The following ZMAT3 variants were observed in gnomAD, a reference collection of about 807,000 sequenced individuals.
The protein encoded by ZMAT3 is zinc finger matrin-type 3, also known as zinc finger matrin-type protein 3.
Under a neutral mutation model 32.3 loss-of-function variants are expected in ZMAT3, and 17 were observed. The observed-to-expected ratio is 0.53, with a 90% confidence interval of 0.36 to 0.79. ZMAT3 has a LOEUF of 0.79. Ranked by LOEUF, ZMAT3 falls within the 30% of genes least tolerant of loss-of-function variation. The pLI, the probability that ZMAT3 is intolerant of heterozygous loss-of-function variation, is 0.00. For missense variants in ZMAT3, 329 were observed against 359.7 expected, an observed-to-expected ratio of 0.91 and a Z score of 0.69; for synonymous variants, 120 against 133.1, an observed-to-expected ratio of 0.90 and a Z score of 0.68.
intron 2 of ZMAT3, among the ~76,000 whole-genome samples, chr3:179,032,903 G>A (rs1225481202): frequency 2.0e-5 from 3 of 150,952 alleles, no homozygotes; most frequent in Non-Finnish European, 4.4e-5. Flanking sequence ...CACCGTCTGG[G>A]AGGTGGGGGG....
At chr3:179,060,755 T>C (rs1198974449) in intron 2 of ZMAT3, among the ~76,000 whole-genome samples, 1 of 151,960 alleles carries the variant, frequency 6.6e-6, no homozygotes, top group Non-Finnish European at 1.5e-5. Flanking sequence ...TGGGGAAAAC[T>C]AGACACAACC....
At chr3:179,027,351 C>G in intron 5 of ZMAT3, 72 bp downstream of exon 5, 1 of 1,357,812 alleles carries the variant, frequency 7.4e-7, no homozygotes, top group Non-Finnish European at 1.0e-6. Context: ...TATCTATTAT[C>G]ATTAAAAGAA....
At chr3:179,070,787 A>G (rs546834187) in intron 1 of ZMAT3, among the ~76,000 whole-genome samples, 1 of 152,374 alleles carries the variant, frequency 6.6e-6, no homozygotes, top group East Asian at 1.9e-4. Flanking sequence ...AGACGACATT[A>G]AAGAAAATCA....
intron 2 of ZMAT3, among the ~76,000 whole-genome samples, 193 bp downstream of exon 2, chr3:179,067,289 TC>T (rs1211726429): frequency 6.6e-6 from 1 of 152,230 alleles, no homozygotes; most frequent in Non-Finnish European, 1.5e-5. Flanking sequence ...CAGGTTGAGA[TC>T]CAGTCTACAA....
chr3:179,030,697 C>T (rs1719134248), intron 3 of ZMAT3, among the ~76,000 whole-genome samples, 183 bp downstream of exon 3: 1 of 152,154 alleles, frequency 6.6e-6, no homozygotes, highest in Non-Finnish European at 1.5e-5. Flanking sequence ...ACTCACGTAA[C>T]AATAGCCTGC....
At chr3:179,045,299 C>T (rs527424584) in intron 2 of ZMAT3, among the ~76,000 whole-genome samples, 27 of 152,086 alleles carry the variant, frequency 1.8e-4, no homozygotes, top group Middle Eastern at 3.4e-3. Context: ...CTAGGTATTA[C>T]GAAACAGAAA....
At chr3:179,032,227 C>T (rs1719286858) in intron 2 of ZMAT3, among the ~76,000 whole-genome samples, 1 of 151,818 alleles carries the variant, frequency 6.6e-6, no homozygotes, top group African/African-American at 2.4e-5. Flanking sequence ...TGGTCTCCAG[C>T]TCCTGACCGC....
At chr3:179,033,174 C>A (rs1459485583) in intron 2 of ZMAT3, among the ~76,000 whole-genome samples, 2 of 152,220 alleles carry the variant, frequency 1.3e-5, no homozygotes, top group Non-Finnish European at 2.9e-5. Context: ...TGCTGTTAAT[C>A]TATAACCTTA....
intron 2 of ZMAT3, among the ~76,000 whole-genome samples, chr3:179,039,089 C>T (rs1719769260): frequency 1.3e-5 from 2 of 152,234 alleles, no homozygotes; most frequent in South Asian, 4.1e-4. Context: ...CACCACAGCT[C>T]AACAAGGCCT....
Position 179,022,873 on chromosome 3 carries a change from T to C in ZMAT3, c.*2144A>G, listed in dbSNP as rs1197274584. ...GTTGTTTAAAAATTGTCCCAAAGTATTACAGAAGAAGAATGATTGTAATTT... is the reference window on the plus strand; with the variant it reads ...GTTGTTTAAAAATTGTCCCAAAGTACTACAGAAGAAGAATGATTGTAATTT... On this transcript the variant is annotated 3_prime_UTR_variant, in exon 6 of 6. Coordinates refer to ENST00000311417, the MANE Select transcript of ZMAT3 (RefSeq NM_022470.4). 6.6e-6 allele frequency: 1 copy of C among 152,160 alleles called. No individual in the cohort carries two copies. Among genetic ancestry groups the C allele is most frequent in the Non-Finnish European group, 1.5e-5 (1 of 68,028 alleles). The allele number at this position is 152,160 out of a possible 1,614,324, so 9.4% of individuals were successfully genotyped here. A position where few individuals can be genotyped will look rare whatever the true frequency, so the allele number is the denominator to read the frequency against.
chr3:179,033,470 AAC>A (rs1434425093), intron 2 of ZMAT3, among the ~76,000 whole-genome samples: 2 of 152,054 alleles, frequency 1.3e-5, no homozygotes, highest in African/African-American at 4.8e-5. Flanking sequence ...CTCTCCGAGA[AAC>A]ACCCAAGAAT....
chr3:179,027,475 C>T lies in ZMAT3; in HGVS notation c.606G>A (p.Glu202=), dbSNP rs1576836041. The change falls in exon 5 of 6, where the codon GAG becomes GAA. Residue 202 remains glutamate (E), a synonymous_variant. Transcript: ENST00000311417. ...GQRRARKEGN[E]FKMMPNRRNM... ...TTCTCCTGTTAGGCATCATCTTAAA[C>T]TCATTCCCTTCTTTCCTGGCCCGCC... 40 of 1,614,216 alleles carry T rather than the reference C, an allele frequency of 2.5e-5. No homozygotes were observed. The East Asian group carries it at 8.9e-4, about 36-fold the overall frequency.
intron 2 of ZMAT3, among the ~76,000 whole-genome samples, chr3:179,038,436 G>C (rs574078625): frequency 6.6e-6 from 1 of 152,098 alleles, no homozygotes; most frequent in Non-Finnish European, 1.5e-5. Flanking sequence ...AAATGAGGCA[G>C]GCATGGTGGT....
At chr3:179,033,496 TA>T (rs1719409951) in intron 2 of ZMAT3, among the ~76,000 whole-genome samples, 2 of 136,180 alleles carry the variant, frequency 1.5e-5, no homozygotes, top group South Asian at 4.7e-4. Flanking sequence ...CAATAAATAC[TA>T]AAAAAATTTT....
intron 2 of ZMAT3, among the ~76,000 whole-genome samples, chr3:179,049,499 T>C (rs770662775): frequency 3.3e-5 from 5 of 152,116 alleles, no homozygotes; most frequent in Non-Finnish European, 4.4e-5. Flanking sequence ...AAATTGGAAA[T>C]CAACTCCAAA....
chr3:179,059,325 G>T (rs1052016404), intron 2 of ZMAT3, among the ~76,000 whole-genome samples: 1 of 152,086 alleles, frequency 6.6e-6, no homozygotes, highest in Admixed American at 6.5e-5. Flanking sequence ...GCTAGCCACC[G>T]AAGAAGGAAA....
intron 2 of ZMAT3, among the ~76,000 whole-genome samples, chr3:179,053,597 G>A (rs1720684399): frequency 6.6e-6 from 1 of 152,166 alleles, no homozygotes; most frequent in Non-Finnish European, 1.5e-5. Context: ...GGAGAACCAT[G>A]GCAGGCAGTA....
At chr3:179,034,083 T>C (rs1312106221) in intron 2 of ZMAT3, among the ~76,000 whole-genome samples, 2 of 152,222 alleles carry the variant, frequency 1.3e-5, no homozygotes, top group Non-Finnish European at 2.9e-5. Flanking sequence ...TACAAAAGCA[T>C]TCTAAATAAG....
intron 5 of ZMAT3, among the ~76,000 whole-genome samples, chr3:179,026,816 T>C (rs899119499): frequency 1.1e-4 from 16 of 152,160 alleles, no homozygotes; most frequent in Admixed American, 9.8e-4. Context: ...GAGGCTGAAG[T>C]AGAGGGGAGG....
Sources: allele counts gnomAD v4.1 joint callset (sites outside exome capture counted in the v4.1 genomes callset), GRCh38; gene constraint gnomAD v4.1.1; transcripts MANE v1.5; gene names NCBI Gene and HGNC (gene_info 2026-07-23, HGNC 2026-07-21).